Variants in CLNK observed in about 807,000 individuals in gnomAD.
The protein encoded by CLNK is cytokine-dependent hematopoietic cell linker.
CLNK carries 74 observed loss-of-function variants against 68.6 expected under a neutral mutation model. The observed-to-expected ratio is 1.08, with a 90% CI of 0.89 to 1.31. The LOEUF (loss-of-function observed/expected upper bound fraction) is 1.31. CLNK is among the 50% of genes most tolerant of loss of function. CLNK has a pLI of 0.00. For missense variants in CLNK, 553 were observed against 515.3 expected, an observed-to-expected ratio of 1.07 and a Z score of -0.71; for synonymous variants, 198 against 172.2, an observed-to-expected ratio of 1.15 and a Z score of -1.17.
At chr4:10,658,708 GC>G (rs1724075664) in intron 2 of CLNK, among the ~76,000 whole-genome samples, 1 of 152,180 alleles carries the variant, frequency 6.6e-6, no homozygotes, top group African/African-American at 2.4e-5. Flanking sequence ...AGGAAGCAGA[GC>G]TGGCCAGACT....
In CLNK at chr4:10,571,742, C is replaced by G. The variant is rs750568509; in HGVS notation, c.149G>C (p.Trp50Ser). 6.2e-7 allele frequency: 1 copy of G among 1,612,062 alleles called. No homozygotes were observed. Among genetic ancestry groups the G allele is most frequent in the South Asian group, 1.1e-5 (1 of 90,980 alleles). ...YQRMNKPLLD[W>S]ERNFAAVLDG... ...AGATAAGGGAAGCAGCTGACTTACC[C>G]AGTCTAGAAGAGGCTTGTTCATCCT... is the stretch of plus-strand genomic sequence containing the variant. Residue 50 changes from tryptophan (W) to serine (S), a missense_variant and splice_region_variant, in exon 5 of 19, where the codon TGG becomes TCG. Physicochemically the swap from Trp to Ser is radical, Grantham distance 177 (BLOSUM62 -3). Transcript: ENST00000226951.
chr4:10,513,657 C>T (rs145384300), intron 15 of CLNK, 60 bp from the exon 16 acceptor site: 4 of 1,509,486 alleles, frequency 2.6e-6, no homozygotes, highest in South Asian at 1.3e-5. Context: ...CTGTCCCCCA[C>T]CTCCAGAAAG....
At chr4:10,507,163 G>A (rs553616840) in intron 17 of CLNK, among the ~76,000 whole-genome samples, 9 of 151,996 alleles carry the variant, frequency 5.9e-5, no homozygotes, top group African/African-American at 1.7e-4. Flanking sequence ...CCAGGCTGGA[G>A]TGCAGTGGCA....
At chr4:10,684,214 A>G (rs1725186861) in intron 1 of CLNK, among the ~76,000 whole-genome samples, 1 of 152,190 alleles carries the variant, frequency 6.6e-6, no homozygotes, top group Admixed American at 6.5e-5. Flanking sequence ...AAGCAGAAAG[A>G]AAATCGTATT....
chr4:10,562,765 T>A (rs1287683176), intron 7 of CLNK, among the ~76,000 whole-genome samples: 1 of 152,198 alleles, frequency 6.6e-6, no homozygotes, highest in Non-Finnish European at 1.5e-5. Flanking sequence ...ACTGAGAATT[T>A]TTTTCCTTGA....
intron 2 of CLNK, among the ~76,000 whole-genome samples, chr4:10,654,562 T>C (rs1466995202): frequency 6.6e-6 from 1 of 150,654 alleles, no homozygotes; most frequent in Non-Finnish European, 1.5e-5. Flanking sequence ...CTAACCAGTG[T>C]AGTCAGGCAA....
At chr4:10,727,526 C>A in the CLNK span, among the ~76,000 whole-genome samples, 1 of 152,192 alleles carries the variant, frequency 6.6e-6, no homozygotes, top group Non-Finnish European at 1.5e-5. Flanking sequence ...TTTATGCATA[C>A]CTTGCGATCA....
At chr4:10,621,623 T>A (rs1722462967) in intron 2 of CLNK, among the ~76,000 whole-genome samples, 1 of 152,238 alleles carries the variant, frequency 6.6e-6, no homozygotes. Context: ...GATAAGCCAA[T>A]GTCAGATTTA....
rs375459019 is a variant in CLNK, at chr4:10,654,890, C to T, written c.11+12969G>A. On this transcript the variant is annotated intron_variant, in intron 2 of 18. Transcript: ENST00000226951. ...GGCCGAGGCGGGCGGATCACTAGGT[C>T]AGGAGATCGAGATCATCCTGGCTAA... Among the ~76,000 whole-genome samples, 148 of 152,082 alleles carry T rather than the reference C, an allele frequency of 9.7e-4. 5 individuals carry two copies. The East Asian group carries it at 0.026, about 27-fold the overall frequency.
the CLNK span, among the ~76,000 whole-genome samples, chr4:10,712,689 T>A: frequency 3.3e-5 from 5 of 152,220 alleles, no homozygotes; most frequent in Admixed American, 3.3e-4. Context: ...TTGCTCACTT[T>A]ACTGCTCACA....
chr4:10,734,766 G>A, the CLNK span, among the ~76,000 whole-genome samples: 1 of 152,154 alleles, frequency 6.6e-6, no homozygotes, highest in South Asian at 2.1e-4. Flanking sequence ...TGGTCAAGGA[G>A]AGCCAGATCA....
chr4:10,612,884 A>C (rs1215779451), intron 2 of CLNK, among the ~76,000 whole-genome samples: 1 of 152,238 alleles, frequency 6.6e-6, no homozygotes, highest in African/African-American at 2.4e-5. Flanking sequence ...ACATATTGAG[A>C]ATATTGTAAG....
chr4:10,655,017 C>G (rs540869779), intron 2 of CLNK, among the ~76,000 whole-genome samples: 2 of 145,176 alleles, frequency 1.4e-5, no homozygotes, highest in African/African-American at 5.1e-5. Context: ...AGGAGAATGG[C>G]GTGAATCCAG....
intron 2 of CLNK, among the ~76,000 whole-genome samples, chr4:10,604,494 A>G (rs186168311): frequency 6.6e-6 from 1 of 152,206 alleles, no homozygotes; most frequent in African/African-American, 2.4e-5. Flanking sequence ...GTCATGATAC[A>G]CCATGGCCTA....
intron 12 of CLNK, among the ~76,000 whole-genome samples, chr4:10,529,949 G>A (rs970357889): frequency 3.9e-5 from 6 of 152,098 alleles, no homozygotes; most frequent in African/African-American, 1.4e-4. Flanking sequence ...AAGTTAAATA[G>A]TAGTATCTCT....
At chr4:10,658,916 T>A (rs1400012977) in intron 2 of CLNK, among the ~76,000 whole-genome samples, 2 of 152,172 alleles carry the variant, frequency 1.3e-5, no homozygotes, top group Non-Finnish European at 2.9e-5. Context: ...ATTAGATTGG[T>A]GTAAATGTAA....
At chr4:10,545,986 G>A (rs985046374) in intron 8 of CLNK, among the ~76,000 whole-genome samples, 13 of 152,104 alleles carry the variant, frequency 8.5e-5, no homozygotes, top group Non-Finnish European at 1.3e-4. Context: ...GGTAGACAGC[G>A]CCCCAGTCCT....
At chr4:10,604,992 T>A (rs1721731430) in intron 2 of CLNK, among the ~76,000 whole-genome samples, 1 of 152,194 alleles carries the variant, frequency 6.6e-6, no homozygotes, top group Admixed American at 6.5e-5. Context: ...CCTCATCCAA[T>A]CAGCTGAAGG....
At chr4:10,580,624 A>G (rs982538081) in intron 4 of CLNK, among the ~76,000 whole-genome samples, 1 of 152,122 alleles carries the variant, frequency 6.6e-6, no homozygotes, top group African/African-American at 2.4e-5. Context: ...TTTGGCAAAA[A>G]CATTTAAAAA....
Sources: gnomAD v4.1 joint callset for allele counts (sites outside exome capture counted in the v4.1 genomes callset) on GRCh38, gnomAD v4.1.1 for gene constraint, MANE v1.5 for transcripts, NCBI Gene and HGNC (gene_info 2026-07-23, HGNC 2026-07-21) for gene names.